Variants in ASIC2 observed in about 807,000 individuals in gnomAD.
ASIC2 encodes the protein acid sensing ion channel subunit 2, also known as acid-sensing ion channel 2.
In ASIC2, 25 loss-of-function variants were observed where a neutral mutation model predicts 57.3. The observed-to-expected ratio is 0.44, with a 90% confidence interval of 0.32 to 0.61. The LOEUF (loss-of-function observed/expected upper bound fraction) is 0.61. Ranked by LOEUF, ASIC2 falls within the 20% of genes least tolerant of loss-of-function variation. The pLI is 0.06. For synonymous variants in ASIC2, 319 were observed against 307.5 expected, an observed-to-expected ratio of 1.04 and a Z score of -0.39; for missense variants, 641 against 738.1, an observed-to-expected ratio of 0.87 and a Z score of 1.52.
intron 1 of ASIC2, among the ~76,000 whole-genome samples, chr17:33,869,311 G>T (rs1053430719): frequency 6.6e-6 from 1 of 152,092 alleles, no homozygotes; most frequent in Non-Finnish European, 1.5e-5. Context: ...CACTGCTGGT[G>T]GGAACGTAAA....
Position 33,293,015 on chromosome 17 carries a change from T to G in ASIC2, c.-900A>C. ...CTCGCGTCTCCAGAAAAGCCCAGCC[T>G]TGCTGTCTCTCGCGTCTTCTCTCTG... On this transcript the variant is annotated 5_prime_UTR_variant, in exon 1 of 10. Coordinates refer to ENST00000225823, the MANE Select transcript of ASIC2 (RefSeq NM_183377.2). 10 of 985,614 alleles carry G rather than the reference T, an allele frequency of 1.0e-5. No individual in the cohort carries two copies. Among genetic ancestry groups the G allele is most frequent in the Non-Finnish European group, 1.2e-5 (10 of 830,058 alleles). The allele number at this position is 985,614 out of a possible 1,614,324, so 61.1% of individuals were successfully genotyped here.
intron 1 of ASIC2, among the ~76,000 whole-genome samples, chr17:33,361,394 G>A (rs1483541436): frequency 6.6e-6 from 1 of 152,216 alleles, no homozygotes; most frequent in Non-Finnish European, 1.5e-5. Context: ...ACCTGATGGT[G>A]AGAGGTGGAG....
intron 3 of ASIC2, among the ~76,000 whole-genome samples, chr17:33,051,086 A>T (rs1393406610): frequency 6.6e-6 from 1 of 152,160 alleles, no homozygotes; most frequent in Non-Finnish European, 1.5e-5. Context: ...CTAATACCAG[A>T]TGGTGCCCAT....
At chr17:33,090,463 T>C (rs563990529) in intron 2 of ASIC2, among the ~76,000 whole-genome samples, 8 of 152,344 alleles carry the variant, frequency 5.3e-5, no homozygotes, top group African/African-American at 1.9e-4. Flanking sequence ...GGGAGATTTA[T>C]GGGTCAAGCC....
intron 1 of ASIC2, among the ~76,000 whole-genome samples, chr17:34,132,985 C>G (rs977271901): frequency 1.3e-5 from 2 of 152,164 alleles, no homozygotes; most frequent in Non-Finnish European, 2.9e-5. Context: ...TGGGGTCACC[C>G]CAATTTAATA....
At chr17:33,812,221 T>C (rs940861949) in intron 1 of ASIC2, among the ~76,000 whole-genome samples, 5 of 152,090 alleles carry the variant, frequency 3.3e-5, no homozygotes, top group African/African-American at 1.2e-4. Context: ...CAATTGCTCT[T>C]GAGGAAGGGC....
intron 1 of ASIC2, among the ~76,000 whole-genome samples, chr17:33,333,223 T>TA (rs1403088466): frequency 6.6e-6 from 1 of 152,164 alleles, no homozygotes; most frequent in South Asian, 2.1e-4. Flanking sequence ...TCAGGAGATA[T>TA]AAAAAAATCC....
chr17:33,265,341 G>T (rs1262072732), intron 1 of ASIC2, among the ~76,000 whole-genome samples: 3 of 152,224 alleles, frequency 2.0e-5, no homozygotes, highest in Admixed American at 2.0e-4. Flanking sequence ...AAAGGAAAGA[G>T]ATCATGTCCT....
At chr17:33,768,261 CT>C (rs1465296082) in intron 1 of ASIC2, among the ~76,000 whole-genome samples, 1 of 152,120 alleles carries the variant, frequency 6.6e-6, no homozygotes, top group Non-Finnish European at 1.5e-5. Flanking sequence ...CTGCCTCAGC[CT>C]CCCAAAGTGC....
intron 1 of ASIC2, among the ~76,000 whole-genome samples, chr17:33,911,499 A>T (rs1353219286): frequency 6.6e-6 from 1 of 152,234 alleles, no homozygotes; most frequent in Non-Finnish European, 1.5e-5. Flanking sequence ...TGAAGTAGGC[A>T]GGGGAAGAAA....
chr17:33,075,546 G>A, intron 3 of ASIC2, among the ~76,000 whole-genome samples: 1 of 152,162 alleles, frequency 6.6e-6, no homozygotes, highest in East Asian at 1.9e-4. Context: ...TCAGGTCACA[G>A]AAGCAGCTGC....
intron 1 of ASIC2, among the ~76,000 whole-genome samples, chr17:34,072,692 T>A (rs1909464258): frequency 6.6e-6 from 1 of 152,348 alleles, no homozygotes; most frequent in East Asian, 1.9e-4. Context: ...AAAAGTGCAA[T>A]TATATTATAA....
chr17:33,649,537 TG>T (rs1384125204), intron 1 of ASIC2, among the ~76,000 whole-genome samples: 1 of 152,222 alleles, frequency 6.6e-6, no homozygotes, highest in Non-Finnish European at 1.5e-5. Flanking sequence ...TATTCTAATA[TG>T]TGTATGAAAA....
intron 1 of ASIC2, among the ~76,000 whole-genome samples, chr17:33,548,367 A>G (rs1915644320): frequency 6.6e-6 from 1 of 152,218 alleles, no homozygotes; most frequent in African/African-American, 2.4e-5. Flanking sequence ...TTTATGGGCT[A>G]AAGATACGCT....
At chr17:33,615,731 G>A (rs533180666) in intron 1 of ASIC2, among the ~76,000 whole-genome samples, 4 of 152,104 alleles carry the variant, frequency 2.6e-5, no homozygotes, top group Non-Finnish European at 4.4e-5. Flanking sequence ...TAGATTTTTC[G>A]GGGATTATGG....
At chr17:33,526,256 G>C (rs150353821) in intron 1 of ASIC2, among the ~76,000 whole-genome samples, 1 of 152,236 alleles carries the variant, frequency 6.6e-6, no homozygotes, top group African/African-American at 2.4e-5. Context: ...TCTCTCAGAC[G>C]CTTTTCTTTC....
At chr17:33,715,453 A>G (rs879659800) in intron 1 of ASIC2, among the ~76,000 whole-genome samples, 1 of 152,188 alleles carries the variant, frequency 6.6e-6, no homozygotes, top group Admixed American at 6.5e-5. Context: ...CGCTGAGACA[A>G]GCACAAAGAG....
intron 1 of ASIC2, among the ~76,000 whole-genome samples, chr17:33,170,629 C>T (rs1402922757): frequency 1.3e-5 from 2 of 152,110 alleles, no homozygotes; most frequent in Non-Finnish European, 2.9e-5. Flanking sequence ...ACCAAGAAGC[C>T]CTGTGCTTCC....
In ASIC2 at chr17:34,109,487, T is replaced by A. The variant is rs185449463; in HGVS notation, c.555+46491A>T. On this transcript the variant is annotated intron_variant, in intron 1 of 9. Coordinates refer to the ASIC2 transcript ENST00000359872. ...CCTAGATCTTAGAATATGAGAATCA[T>A]CTGTCTTTACCATATAAGCATTCAC... Among the ~76,000 whole-genome samples, 4 of 152,320 alleles carry A rather than the reference T, an allele frequency of 2.6e-5. No individual in the cohort carries two copies. In the East Asian group the frequency reaches 7.7e-4, roughly 29 times the overall value.
Sources: allele counts gnomAD v4.1 joint callset (sites outside exome capture counted in the v4.1 genomes callset), GRCh38; gene constraint gnomAD v4.1.1; transcripts MANE v1.5; gene names NCBI Gene and HGNC (gene_info 2026-07-23, HGNC 2026-07-21).